Variants in AGAP1 observed in about 807,000 individuals in gnomAD.
AGAP1 encodes arf-GAP with GTPase, ANK repeat and PH domain-containing protein 1.
In AGAP1, 29 loss-of-function variants were observed where a neutral mutation model predicts 105.3. That is an observed-to-expected ratio of 0.28 (90% CI 0.21 to 0.38). The LOEUF (loss-of-function observed/expected upper bound fraction) is 0.38, where lower values mean the gene tolerates loss of function less well. AGAP1 is among the 10% of genes least tolerant of loss of function. The probability of loss-of-function intolerance (pLI) is 1.00; values close to 1 mark genes in which losing one functional copy is unlikely to be tolerated. For missense variants in AGAP1, 998 were observed against 1,165.1 expected, an observed-to-expected ratio of 0.86 and a Z score of 2.09; for synonymous variants, 509 against 485.9, an observed-to-expected ratio of 1.05 and a Z score of -0.63.
intron 16 of AGAP1, among the ~76,000 whole-genome samples, chr2:236,091,068 C>G (rs969827149): frequency 1.1e-4 from 17 of 152,356 alleles, no homozygotes; most frequent in African/African-American, 3.6e-4. Flanking sequence ...CATTTCTGAA[C>G]ACATCAATCC....
At chr2:236,094,228 G>A (rs1261163832) in intron 16 of AGAP1, among the ~76,000 whole-genome samples, 2 of 151,920 alleles carry the variant, frequency 1.3e-5, no homozygotes, top group African/African-American at 2.4e-5. Context: ...GCCACGTCAG[G>A]AGGATTGCTC....
Position 236,058,554 on chromosome 2 carries a change from C to G in AGAP1, c.2114+9273C>G, listed in dbSNP as rs1306855506. Among the ~76,000 whole-genome samples the G allele has an allele frequency of 1.3e-5, 2 of 152,116 alleles. No homozygotes were observed. Among genetic ancestry groups the G allele is most frequent in the Admixed American group, 1.3e-4 (2 of 15,280 alleles). ...TTCATGGTAACAAACACTCAGCAAA[C>G]TAGAAATAAAAGGAAACTTGCTGAA... On this transcript the variant is annotated intron_variant, in intron 16 of 17. Coordinates refer to ENST00000304032, the MANE Select transcript of AGAP1 (RefSeq NM_001037131.3). This position sits in a 1 kb window ranked among gnomAD's most constrained non-coding sequence, Gnocchi z 4.6.
chr2:236,010,059 G>A (rs1233741605), intron 13 of AGAP1, among the ~76,000 whole-genome samples: 6 of 151,344 alleles, frequency 4.0e-5, no homozygotes, highest in Non-Finnish European at 7.4e-5. Context: ...TCAGTTTGAA[G>A]TGTTCAGTTA....
rs182938088 is a variant in AGAP1 at position 235,902,229 on chromosome 2, G to C, written c.1156-6509G>C. 2.0e-3 allele frequency among the ~76,000 whole-genome samples: 297 copies of C among 152,270 alleles called. 1 individual carries two copies. Among genetic ancestry groups the C allele is most frequent in the African/African-American group, 6.9e-3 (288 of 41,546 alleles). On this transcript the variant is annotated intron_variant, in intron 10 of 17. Coordinates refer to ENST00000304032, the MANE Select transcript of AGAP1 (RefSeq NM_001037131.3). ...GTTACACAGATGTGTGGTTGGAAGAGGGAGGAATATTTCAACCCTCATTTC... is the reference window on the plus strand; with the variant it reads ...GTTACACAGATGTGTGGTTGGAAGACGGAGGAATATTTCAACCCTCATTTC...
At chr2:235,766,632 A>G (rs1954977524) in intron 6 of AGAP1, among the ~76,000 whole-genome samples, 1 of 152,238 alleles carries the variant, frequency 6.6e-6, no homozygotes, top group Admixed American at 6.5e-5. Context: ...ATGAAATGTT[A>G]TATTCTGTGG....
At chr2:235,531,316 A>G (rs535169196) in intron 1 of AGAP1, among the ~76,000 whole-genome samples, 1 of 150,934 alleles carries the variant, frequency 6.6e-6, no homozygotes, top group East Asian at 2.0e-4. Context: ...GTCTCATCTC[A>G]CTCCTTCCTA....
Position 236,001,765 on chromosome 2 carries a change from G to A in AGAP1, c.1645+33142G>A, listed in dbSNP as rs10207514. On this transcript the variant is annotated intron_variant, in intron 13 of 17. Transcript: ENST00000304032. This position sits in a 1 kb window ranked among gnomAD's most constrained non-coding sequence, Gnocchi z 4.7. Reference sequence around the variant, plus strand: ...ACTTTTCTAATTTAACACCCCGTGGGTCTCCAGTTCTTCCACAAGCTGTTT... The same window carrying A: ...ACTTTTCTAATTTAACACCCCGTGGATCTCCAGTTCTTCCACAAGCTGTTT... Among the ~76,000 whole-genome samples the A allele has an allele frequency of 7.6e-3, 1,164 of 152,256 alleles. 10 individuals are homozygous for A. The highest frequency in any genetic ancestry group is 0.027 in the African/African-American group (1,104 of 41,566).
intron 1 of AGAP1, among the ~76,000 whole-genome samples, chr2:235,687,884 A>T (rs1575132881): frequency 2.1e-5 from 3 of 142,308 alleles, no homozygotes; most frequent in Admixed American, 7.1e-5. Context: ...TTTCTTCTTA[A>T]TCGCCGCTCT....
chr2:235,502,435 T>G (rs1174634941), intron 1 of AGAP1, among the ~76,000 whole-genome samples: 1 of 152,172 alleles, frequency 6.6e-6, no homozygotes, highest in Non-Finnish European at 1.5e-5. Context: ...CCAGTATTGT[T>G]TCTTCCATTG....
At chr2:236,074,460 C>A (rs761249804) in intron 16 of AGAP1, among the ~76,000 whole-genome samples, 11 of 152,174 alleles carry the variant, frequency 7.2e-5, no homozygotes, top group Non-Finnish European at 1.5e-4. Flanking sequence ...ATGGCACAGG[C>A]TGTTCTTAAT....
In AGAP1 at chr2:236,049,254, G is replaced by C; in HGVS notation, c.2087G>C (p.Arg696Pro). ...NSVWEESSQGRTKPSVDSTRE... is the reference protein window; with the variant it reads ...NSVWEESSQGPTKPSVDSTRE... ...GTCTGGGAAGAGAGCAGCCAGGGGC[G>C]GACGAAACCATCGGTAGACTCCACA... The change falls in exon 16 of 18, where the codon CGG becomes CCG. Residue 696 changes from arginine (R) to proline (P), a missense_variant. Physicochemically the swap from Arg to Pro is moderately radical, Grantham distance 103. This residue lies in a region of AGAP1 where 235 missense variants were observed against 270.7 expected (regional missense o/e 0.87). Coordinates refer to ENST00000304032, the MANE Select transcript of AGAP1 (RefSeq NM_001037131.3). The C allele has an allele frequency of 6.2e-7, 1 of 1,614,072 alleles. No individual in the cohort carries two copies. The highest frequency in any genetic ancestry group is 8.5e-7 in the Non-Finnish European group (1 of 1,179,962).
intron 1 of AGAP1, among the ~76,000 whole-genome samples, chr2:235,560,880 C>T (rs937755290): frequency 1.3e-5 from 2 of 152,210 alleles, no homozygotes; most frequent in Non-Finnish European, 1.5e-5. Flanking sequence ...TCAGGTGTTG[C>T]CTTCTCCACT....
intron 9 of AGAP1, among the ~76,000 whole-genome samples, chr2:235,818,292 T>A (rs1190492552): frequency 6.6e-6 from 1 of 152,230 alleles, no homozygotes; most frequent in Non-Finnish European, 1.5e-5. Flanking sequence ...TCAGGGATGT[T>A]AAGGTATGAG....
chr2:235,802,520 G>A (rs1301759581), intron 8 of AGAP1, among the ~76,000 whole-genome samples: 4 of 152,208 alleles, frequency 2.6e-5, no homozygotes, highest in Admixed American at 6.5e-5. Flanking sequence ...CATAAAAGAA[G>A]CTACCACTGC....
intron 1 of AGAP1, among the ~76,000 whole-genome samples, chr2:235,637,233 T>G (rs1488217113): frequency 6.6e-6 from 1 of 152,114 alleles, no homozygotes; most frequent in Non-Finnish European, 1.5e-5. Flanking sequence ...TATACAGTGG[T>G]AGTGACAGTT....
At chr2:235,538,732 T>A (rs1021553918) in intron 1 of AGAP1, among the ~76,000 whole-genome samples, 1 of 152,148 alleles carries the variant, frequency 6.6e-6, no homozygotes. Flanking sequence ...CCTACTTTCC[T>A]TGAACTTTCC....
chr2:236,090,959 G>A lies in AGAP1; in HGVS notation c.2115-29233G>A, dbSNP rs778281185. On this transcript the variant is annotated intron_variant, in intron 16 of 17. Coordinates refer to ENST00000304032, the MANE Select transcript of AGAP1 (RefSeq NM_001037131.3). This position sits in a 1 kb window ranked among gnomAD's most constrained non-coding sequence, Gnocchi z 4.3. ...TCACCATGTTGGCCAGGCTGGTGTC[G>A]ACCTCCTGACCTCAGGTGATCTGCC... Among the ~76,000 whole-genome samples, 12 of 152,132 alleles carry A rather than the reference G, an allele frequency of 7.9e-5. No individual in the cohort carries two copies. Among genetic ancestry groups the A allele is most frequent in the South Asian group, 2.1e-4 (1 of 4,830 alleles).
At chr2:235,913,095 GT>G (rs1340452885) in intron 11 of AGAP1, among the ~76,000 whole-genome samples, 1 of 151,990 alleles carries the variant, frequency 6.6e-6, no homozygotes, top group East Asian at 1.9e-4. Flanking sequence ...ACATAAAAAG[GT>G]TTTCCCTCTT....
chr2:235,598,484 C>T (rs1048030018), intron 1 of AGAP1, among the ~76,000 whole-genome samples: 2 of 152,166 alleles, frequency 1.3e-5, no homozygotes, highest in African/African-American at 4.8e-5. Context: ...CTATGGGAAA[C>T]TTGGTTGCAT....
Sources: allele counts gnomAD v4.1 joint callset (sites outside exome capture counted in the v4.1 genomes callset), GRCh38; gene constraint gnomAD v4.1.1; regional missense constraint gnomAD v4.1.1; non-coding constraint Gnocchi (gnomAD v3.1); transcripts MANE v1.5; gene names NCBI Gene and HGNC (gene_info 2026-07-23, HGNC 2026-07-21).